The following ERCC1 variants were observed in gnomAD, a reference collection of about 807,000 sequenced individuals.
ERCC1 encodes the protein ERCC excision repair 1, endonuclease non-catalytic subunit.
ERCC1 carries 36 observed loss-of-function variants against 37.6 expected under a neutral mutation model. That is an observed-to-expected ratio of 0.96 (90% confidence interval 0.73 to 1.26). The LOEUF is 1.26. Ranked by LOEUF, ERCC1 falls within the 50% of genes most tolerant of loss-of-function variation. The pLI is 0.00. For missense variants in ERCC1, 349 were observed against 376.5 expected (o/e 0.93, Z 0.60); for synonymous variants, 156 against 162.1 (o/e 0.96, Z 0.28).
intron 1 of ERCC1, chr19:45,429,219 G>A (rs1240513466): frequency 6.6e-6 from 1 of 152,356 alleles, no homozygotes; most frequent in Non-Finnish European, 1.5e-5. Flanking sequence ...TCAGCACTTT[G>A]AGAAGCCGAG....
At position 45,413,413 on chromosome 19, in the gene ERCC1, C is replaced by T. The variant is rs1280749531; in HGVS notation, c.843+264G>A. The T allele has an allele frequency of 1.4e-5, 9 of 655,350 alleles. No homozygotes were observed. The Admixed American group carries it at 1.5e-4, about 11-fold the overall frequency. The allele number at this position is 655,350 out of a possible 1,614,324, so 40.6% of individuals were successfully genotyped here. ...TCCCCAGTAGCTGAGACTACAGGCA[C>T]GTAGCAAGCTCACACCACCATGCCC... is the stretch of plus-strand genomic sequence containing the variant. On this transcript the variant is annotated intron_variant, in intron 9 of 9. Transcript: ENST00000300853.
Position 45,413,320 on chromosome 19 carries a change from G to A in ERCC1, c.843+357C>T, listed in dbSNP as rs104894988. On this transcript the variant is annotated intron_variant, in intron 9 of 9. Transcript: ENST00000300853. ...ATCGCTCTGTCACCCAGGCTGGAGC[G>A]TAGTAACATGCTTATAGCTCACTGC... The A allele has an allele frequency of 1.8e-3, 967 of 540,148 alleles. 3 individuals are homozygous for A. Among genetic ancestry groups the A allele is most frequent in the Non-Finnish European group, 2.6e-3 (784 of 300,984 alleles). 33.5% of individuals were successfully genotyped at this position (540,148 alleles called of 1,614,324 possible).
Position 45,423,294 on chromosome 19 carries a change from G to A in ERCC1, c.81C>T (p.Asp27=), listed in dbSNP as rs778474911. ...PARKKFVIPL[D]EDEVPPGVAK... ...CCACTCCAGGAGGGACCTCATCCTC[G>A]TCGAGGGGTATCACAAATTTCTTCC... Residue 27 remains aspartate, a synonymous_variant, in exon 2 of 10, where the codon GAC becomes GAT. Coordinates refer to ENST00000300853, the MANE Select transcript of ERCC1 (RefSeq NM_001983.4). The A allele has an allele frequency of 1.2e-6, 2 of 1,613,704 alleles. No individual in the cohort carries two copies. The highest frequency in any genetic ancestry group is 1.7e-5 in the Admixed American group (1 of 59,942).
At chr19:45,445,223 G>C (rs1413441250) in intron 1 of ERCC1, among the ~76,000 whole-genome samples, 1 of 152,126 alleles carries the variant, frequency 6.6e-6, no homozygotes, top group Non-Finnish European at 1.5e-5. Context: ...CACCATGTTG[G>C]CCAGGCTGGT....
intron 2 of ERCC1, among the ~76,000 whole-genome samples, chr19:45,422,629 C>T (rs1974507384): frequency 6.6e-6 from 1 of 152,034 alleles, no homozygotes; most frequent in South Asian, 2.1e-4. Flanking sequence ...GCCAGGCGCG[C>T]TCCTGTAATC....
In ERCC1 at chr19:45,408,595, T is replaced by C. The variant is rs766652613; in HGVS notation, c.*1080A>G. The stretch of plus-strand genomic sequence containing the variant: ...TGGCTTTGGGGTCGCCAGAAATGGA[T>C]GTGCGGAAGAAGAAGAAGAAAAAAA... On this transcript the variant is annotated 3_prime_UTR_variant, in exon 10 of 10. Transcript: ENST00000300853. 22 of 1,611,244 alleles carry C rather than the reference T, an allele frequency of 1.4e-5. No individual in the cohort carries two copies. Among genetic ancestry groups the C allele is most frequent in the Non-Finnish European group, 1.9e-5 (22 of 1,179,394 alleles).
intron 9 of ERCC1, chr19:45,409,930 C>A (rs527678330): frequency 1.0e-5 from 2 of 200,080 alleles, no homozygotes; most frequent in Non-Finnish European, 1.9e-5. Context: ...CTCGCTCTGT[C>A]GCCCAGGTTG....
rs997050266 is a variant in ERCC1, at chr19:45,423,352, T to C, written c.23A>G (p.Glu8Gly). MDPGKDK[E>G]GVPQPSGPPA... is the part of the protein sequence containing the mutation. Reference sequence around the variant, plus strand: ...CGGCCCTGAGGGCTGGGGCACCCCCTCTTTGTCCTTCCCAGGGTCCATCTG... The same window carrying C: ...CGGCCCTGAGGGCTGGGGCACCCCCCCTTTGTCCTTCCCAGGGTCCATCTG... Residue 8 changes from glutamate to glycine, a missense_variant, in exon 2 of 10, where the codon GAG becomes GGG. By Grantham distance (98) the Glu-to-Gly change is moderately conservative (BLOSUM62 -2). Transcript: ENST00000300853. 4 of 1,613,022 alleles carry C rather than the reference T, an allele frequency of 2.5e-6. No individual in the cohort carries two copies. In the African/African-American group the frequency reaches 4.0e-5, roughly 16 times the overall value.
chr19:45,421,334 C>A lies in ERCC1; in HGVS notation c.165G>T (p.Ala55=), dbSNP rs536136013. ...SLPTVDTSAQ[A]APQTYAEYAI... is the part of the protein sequence containing the mutation. ...CATATTCGGCGTAGGTCTGAGGGGC[C>A]GCCTGGGCCGAGGTGTCCACAGTGG... Residue 55 remains alanine, a synonymous_variant, in exon 3 of 10, where the codon GCG becomes GCT. Transcript: ENST00000300853. 1 of 1,614,008 alleles carries A rather than the reference C, an allele frequency of 6.2e-7. No homozygotes were observed. Among genetic ancestry groups the A allele is most frequent in the East Asian group, 2.2e-5 (1 of 44,886 alleles).
chr19:45,424,889 A>AT (rs1385702114), upstream of ERCC1, among the ~76,000 whole-genome samples: 1 of 150,260 alleles, frequency 6.7e-6, no homozygotes, highest in Non-Finnish European at 1.5e-5. Flanking sequence ...GCCCTGCCAT[A>AT]ACCCAGGGTC....
chr19:45,437,355 T>C (rs1448373770), intron 1 of ERCC1, among the ~76,000 whole-genome samples: 1 of 152,210 alleles, frequency 6.6e-6, no homozygotes, highest in Non-Finnish European at 1.5e-5. Flanking sequence ...TCTGGTTATA[T>C]TTCCAAAGGA....
At chr19:45,419,680 CTCTG>C (rs1482643012) in intron 4 of ERCC1, among the ~76,000 whole-genome samples, 30 of 152,296 alleles carry the variant, frequency 2.0e-4, no homozygotes, top group Non-Finnish European at 4.1e-4. Flanking sequence ...GTTTCACTTC[CTCTG>C]TCTGGCCCTG....
intron 1 of ERCC1, among the ~76,000 whole-genome samples, chr19:45,444,668 G>A (rs746840099): frequency 3.9e-5 from 6 of 152,224 alleles, no homozygotes; most frequent in Non-Finnish European, 7.3e-5. Flanking sequence ...AAGCAACAGG[G>A]AACTGTCGGG....
At chr19:45,432,805 G>A (rs867009830) in intron 1 of ERCC1, among the ~76,000 whole-genome samples, 2 of 152,114 alleles carry the variant, frequency 1.3e-5, no homozygotes, top group South Asian at 2.1e-4. Flanking sequence ...AGTGGCTCAC[G>A]CCTGTATTCC....
At chr19:45,450,905 C>A (rs1350953802) in intron 1 of ERCC1, among the ~76,000 whole-genome samples, 26 of 58,894 alleles carry the variant, frequency 4.4e-4, no homozygotes, top group South Asian at 1.1e-3. Context: ...CCCCCCCCCC[C>A]ACGCCCGCGC....
At chr19:45,433,563 A>T (rs1460867068) in intron 1 of ERCC1, among the ~76,000 whole-genome samples, 1 of 151,628 alleles carries the variant, frequency 6.6e-6, no homozygotes, top group African/African-American at 2.4e-5. Context: ...TGGTGCACGG[A>T]TGTAATCCCA....
intron 1 of ERCC1, among the ~76,000 whole-genome samples, chr19:45,442,935 G>A (rs1975158568): frequency 6.6e-6 from 1 of 152,120 alleles, no homozygotes; most frequent in African/African-American, 2.4e-5. Flanking sequence ...GACACATCTC[G>A]GTGATAGCAC....
At chr19:45,423,514 C>A (rs991310963) in intron 1 of ERCC1, 133 bp from the exon 2 acceptor site, 37 of 1,473,206 alleles carry the variant, frequency 2.5e-5, no homozygotes, top group Non-Finnish European at 3.1e-5. Flanking sequence ...CAACACCCAG[C>A]GCTAGAGGCT....
chr19:45,425,559 G>T (rs536020617), upstream of ERCC1, among the ~76,000 whole-genome samples: 1 of 151,662 alleles, frequency 6.6e-6, no homozygotes, highest in Non-Finnish European at 1.5e-5. Flanking sequence ...TAGTAGAGAC[G>T]GAGTTTCACC....
Sources: gnomAD v4.1 joint callset for allele counts (sites outside exome capture counted in the v4.1 genomes callset) on GRCh38, gnomAD v4.1.1 for gene constraint, MANE v1.5 for transcripts, NCBI Gene and HGNC (gene_info 2026-07-23, HGNC 2026-07-21) for gene names.